The following PARD6B variants were observed in gnomAD, a reference collection of about 807,000 sequenced individuals.
PARD6B encodes the protein par-6 family cell polarity regulator beta.
In PARD6B, 4 loss-of-function variants were observed where a neutral mutation model predicts 10.5. The observed-to-expected ratio is 0.38, with a 90% CI of 0.19 to 0.87. The LOEUF is 0.87. Among genes scored for constraint, PARD6B ranks in the 40% least tolerant of loss-of-function variants. The probability of loss-of-function intolerance (pLI) is 0.41; values close to 1 mark genes in which losing one functional copy is unlikely to be tolerated. For synonymous variants in PARD6B, 169 were observed against 170.4 expected (o/e 0.99, Z 0.07); for missense variants, 396 against 470.6 (o/e 0.84, Z 1.47).
rs775400612 is a variant in PARD6B, at chr20:50,750,165, G to C, written c.796G>C (p.Gly266Arg). The change falls in exon 3 of 3, where the codon GGT (glycine) becomes CGT (arginine). Residue 266 changes from glycine (G) to arginine (R), a missense_variant. By Grantham distance (125) the Gly-to-Arg change is moderately radical. Coordinates refer to ENST00000371610, the MANE Select transcript of PARD6B (RefSeq NM_032521.3). ...GAACAGTCGGACTTCTGGCAGTTCCGGTCAGTCTACTGATAACAGCCTTCT... is the reference window on the plus strand; with the variant it reads ...GAACAGTCGGACTTCTGGCAGTTCCCGTCAGTCTACTGATAACAGCCTTCT... ...VRNSRTSGSS[G>R]QSTDNSLLGY... 24 of 1,614,044 alleles carry C rather than the reference G, an allele frequency of 1.5e-5. No individual in the cohort carries two copies. The South Asian group carries it at 2.5e-4, about 17-fold the overall frequency.
At chr20:50,740,888 C>T (rs1460751715) in intron 2 of PARD6B, among the ~76,000 whole-genome samples, 1 of 152,096 alleles carries the variant, frequency 6.6e-6, no homozygotes, top group Non-Finnish European at 1.5e-5. Flanking sequence ...CATCTTCCCT[C>T]ATTCTCTCAC....
In PARD6B at chr20:50,750,474, A is replaced by G. The variant is rs1226271728; in HGVS notation, c.1105A>G (p.Ile369Val). The G allele has an allele frequency of 1.2e-6, 2 of 1,611,956 alleles. No individual in the cohort carries two copies. ...AAAACTCTTAGAAGAAGATGGAACAATCATAACATTATGAAACCGTGGTTT... is the reference window on the plus strand; with the variant it reads ...AAAACTCTTAGAAGAAGATGGAACAGTCATAACATTATGAAACCGTGGTTT... ...DQKLLEEDGT[I>V]ITL The change falls in exon 3 of 3, where the codon ATC (isoleucine) becomes GTC (valine). Residue 369 changes from isoleucine to valine, a missense_variant. By Grantham distance (29) the Ile-to-Val change is conservative. Around this residue, in one of 2 missense-constraint regions of PARD6B, gnomAD observed 188 missense variants for 169.7 expected, o/e 1.11. Transcript: ENST00000371610.
At chr20:50,743,900 A>AT (rs1211275796) in intron 2 of PARD6B, among the ~76,000 whole-genome samples, 1 of 151,788 alleles carries the variant, frequency 6.6e-6, no homozygotes. Flanking sequence ...AAAAAAAAAA[A>AT]AAAAAGAAAT....
In PARD6B at chr20:50,752,104, T is replaced by G. The variant is rs2087615481; in HGVS notation, c.*1616T>G. On this transcript the variant is annotated 3_prime_UTR_variant, in exon 3 of 3. Transcript: ENST00000371610. Reference sequence around the variant, plus strand: ...AATTAATTCTGTATGGCTATATAATTTATGTTTTAAAAGGCAATTCTCTTG... The same window carrying G: ...AATTAATTCTGTATGGCTATATAATGTATGTTTTAAAAGGCAATTCTCTTG... 1.0e-6 allele frequency: 1 copy of G among 985,306 alleles called. No homozygotes were observed. The highest frequency in any genetic ancestry group is 1.2e-6 in the Non-Finnish European group (1 of 829,524). 61.0% of individuals were successfully genotyped at this position (985,306 alleles called of 1,614,324 possible). A position where few individuals can be genotyped will look rare whatever the true frequency, so the allele number is the denominator to read the frequency against.
intron 1 of PARD6B, among the ~76,000 whole-genome samples, chr20:50,732,076 C>T (rs1370762940): frequency 6.6e-6 from 1 of 152,234 alleles, no homozygotes; most frequent in Non-Finnish European, 1.5e-5. Context: ...AGACCTAGTC[C>T]AGCATTTAAT....
Position 50,750,594 on chromosome 20 carries a change from GA to G in PARD6B, c.*107del. The stretch of plus-strand genomic sequence containing the variant: ...GACCAGTGACGTGGAATAGGCATGA[GA>G]CGAGTAACGTTGCAAGCTTACAATA... On this transcript the variant is annotated 3_prime_UTR_variant, in exon 3 of 3. Coordinates refer to ENST00000371610, the MANE Select transcript of PARD6B (RefSeq NM_032521.3). 2 of 1,450,754 alleles carry G rather than the reference GA, an allele frequency of 1.4e-6. No individual in the cohort carries two copies. The highest frequency in any genetic ancestry group is 1.8e-6 in the Non-Finnish European group (2 of 1,106,680). 89.9% of individuals were successfully genotyped at this position (1,450,754 alleles called of 1,614,324 possible). A position where few individuals can be genotyped will look rare whatever the true frequency, so the allele number is the denominator to read the frequency against.
At chr20:50,746,188 G>A (rs1200455720) in intron 2 of PARD6B, among the ~76,000 whole-genome samples, 2 of 151,956 alleles carry the variant, frequency 1.3e-5, no homozygotes, top group African/African-American at 2.4e-5. Flanking sequence ...GACCCTCTAT[G>A]AGCAAAGGAA....
intron 2 of PARD6B, among the ~76,000 whole-genome samples, chr20:50,743,186 C>T (rs1261107777): frequency 6.6e-6 from 1 of 152,204 alleles, no homozygotes; most frequent in African/African-American, 2.4e-5. Flanking sequence ...AAAAGCTTCC[C>T]AGCCAGTCCT....
rs1309325011 is a variant in PARD6B at position 50,752,584 on chromosome 20, C to T, written c.*2096C>T. 1.6e-5 allele frequency: 16 copies of T among 983,524 alleles called. No individual in the cohort carries two copies. In the African/African-American group the frequency reaches 2.3e-4, roughly 14 times the overall value. 60.9% of individuals were successfully genotyped at this position (983,524 alleles called of 1,614,324 possible). On this transcript the variant is annotated 3_prime_UTR_variant, in exon 3 of 3. Coordinates refer to ENST00000371610, the MANE Select transcript of PARD6B (RefSeq NM_032521.3). ...TGCTTGTATATAGAAACTAAAAATA[C>T]TATGAAGTACATAAGTTCCCTATGG...
intron 2 of PARD6B, among the ~76,000 whole-genome samples, chr20:50,746,913 A>G (rs1276614767): frequency 3.9e-5 from 6 of 152,172 alleles, no homozygotes; most frequent in Non-Finnish European, 7.4e-5. Context: ...CCAGAAGACT[A>G]TTCTTGATAG....
chr20:50,745,939 T>G (rs749516737), intron 2 of PARD6B, among the ~76,000 whole-genome samples: 4 of 152,242 alleles, frequency 2.6e-5, no homozygotes, highest in Admixed American at 6.5e-5. Flanking sequence ...TTTTAAAACA[T>G]TATTTCATTA....
chr20:50,743,225 A>T (rs1201676624), intron 2 of PARD6B, among the ~76,000 whole-genome samples: 1 of 152,208 alleles, frequency 6.6e-6, no homozygotes, highest in Non-Finnish European at 1.5e-5. Flanking sequence ...GGATCTGTTG[A>T]TGTGCTACAG....
chr20:50,743,209 G>A lies in PARD6B; in HGVS notation c.289+5130G>A, dbSNP rs10427451. On this transcript the variant is annotated intron_variant, in intron 2 of 2. Transcript: ENST00000371610. ...CCCAGCCAGTCCTGATAATCAGCCA[G>A]GTGGAGGATCTGTTGATGTGCTACA... Among the ~76,000 whole-genome samples the A allele has an allele frequency of 5.3e-3, 814 of 152,318 alleles. 9 individuals carry two copies. The highest frequency in any genetic ancestry group is 0.019 in the African/African-American group (788 of 41,560).
Position 50,752,942 on chromosome 20 carries a change from CTG to C in PARD6B, c.*2457_*2458del. 1.0e-6 allele frequency: 1 copy of C among 983,730 alleles called. No homozygotes were observed. Among genetic ancestry groups the C allele is most frequent in the South Asian group, 4.7e-5 (1 of 21,262 alleles). The allele number at this position is 983,730 out of a possible 1,614,324, so 60.9% of individuals were successfully genotyped here. A position where few individuals can be genotyped will look rare whatever the true frequency, so the allele number is the denominator to read the frequency against. On this transcript the variant is annotated 3_prime_UTR_variant, in exon 3 of 3. Coordinates refer to ENST00000371610, the MANE Select transcript of PARD6B (RefSeq NM_032521.3). ...TTAATGGCATTCCGGCTTTAACATT[CTG>C]TGAGTCTTACAAATTTGACTCTTGA...
chr20:50,731,709 C>T lies in PARD6B; in HGVS notation c.-78C>T, dbSNP rs1255467699. ...CGGGCCGCAACCGCTTTCCGAGATC[C>T]CCAGTCGCGCACTCGCTCCCCGCGC... On this transcript the variant is annotated 5_prime_UTR_variant, in exon 1 of 3. Coordinates refer to ENST00000371610, the MANE Select transcript of PARD6B (RefSeq NM_032521.3). 1.5e-5 allele frequency: 19 copies of T among 1,295,254 alleles called. No individual in the cohort carries two copies. In the Admixed American group the frequency reaches 2.7e-4, roughly 18 times the overall value. The allele number at this position is 1,295,254 out of a possible 1,614,324, so 80.2% of individuals were successfully genotyped here.
In PARD6B at chr20:50,753,132, T is replaced by C. The variant is rs911530468; in HGVS notation, c.*2644T>C. 9.1e-6 allele frequency: 9 copies of C among 985,174 alleles called. No homozygotes were observed. In the Admixed American group the frequency reaches 4.9e-4, roughly 54 times the overall value. 61.0% of individuals were successfully genotyped at this position (985,174 alleles called of 1,614,324 possible). A position where few individuals can be genotyped will look rare whatever the true frequency, so the allele number is the denominator to read the frequency against. The stretch of plus-strand genomic sequence containing the variant: ...TTTGGGGGAAAAACTACTTCAGGGC[T>C]TGACTTTTTGTACAAATTTTAACTG... On this transcript the variant is annotated 3_prime_UTR_variant, in exon 3 of 3. Transcript: ENST00000371610.
intron 2 of PARD6B, among the ~76,000 whole-genome samples, chr20:50,742,052 C>G (rs565230512): frequency 1.3e-5 from 2 of 152,134 alleles, no homozygotes; most frequent in East Asian, 3.9e-4. Context: ...TTAATATGTA[C>G]TGGTGTTTTG....
At chr20:50,743,258 G>C (rs1413405766) in intron 2 of PARD6B, among the ~76,000 whole-genome samples, 1 of 152,210 alleles carries the variant, frequency 6.6e-6, no homozygotes, top group Admixed American at 6.5e-5. Context: ...TCCAGATCTA[G>C]TCAGAATCTC....
chr20:50,742,631 G>T (rs2087537248), intron 2 of PARD6B, among the ~76,000 whole-genome samples: 2 of 152,064 alleles, frequency 1.3e-5, no homozygotes, highest in Non-Finnish European at 2.9e-5. Context: ...CTCTCATAGT[G>T]CTGGGATTAC....
Sources: gnomAD v4.1 joint callset for allele counts (sites outside exome capture counted in the v4.1 genomes callset) on GRCh38, gnomAD v4.1.1 for gene constraint, gnomAD v4.1.1 regional missense constraint, MANE v1.5 for transcripts, NCBI Gene and HGNC (gene_info 2026-07-23, HGNC 2026-07-21) for gene names.